Variants in CEP135 observed in about 807,000 individuals in gnomAD.
CEP135 encodes centrosomal protein of 135 kDa.
CEP135 carries 142 observed loss-of-function variants against 157.3 expected under a neutral mutation model. The ratio of observed to expected loss-of-function variants is 0.90; its 90% CI spans 0.79 to 1.04. CEP135 has a LOEUF of 1.04. Ranked by LOEUF, CEP135 falls within the 50% of genes least tolerant of loss-of-function variation. The pLI is 0.00. For synonymous variants in CEP135, 396 were observed against 439.8 expected (o/e 0.90, Z 1.25); for missense variants, 1,317 against 1,309.2 (o/e 1.01, Z -0.09).
At chr4:55,969,753 A>G (rs990690391) in intron 9 of CEP135, among the ~76,000 whole-genome samples, 1 of 152,122 alleles carries the variant, frequency 6.6e-6, no homozygotes. Flanking sequence ...TCTTTTAACT[A>G]CTTTATGATT....
At chr4:55,963,644 G>A (rs1728752521) in intron 6 of CEP135, among the ~76,000 whole-genome samples, 1 of 152,176 alleles carries the variant, frequency 6.6e-6, no homozygotes, top group Non-Finnish European at 1.5e-5. Flanking sequence ...TACTCAGGAG[G>A]CTGAGGCAGG....
Position 55,980,204 on chromosome 4 carries a change from T to C in CEP135, c.1535T>C (p.Leu512Pro). ...GAAAGAGATGAACTTCAGCGTATGC[T>C]AGAAAGATTTGAAAAATATATGGAA... ...TRERDELQRM[L>P]ERFEKYMEDI... Residue 512 changes from leucine to proline, a missense_variant, in exon 12 of 26, where the codon CTA (leucine) becomes CCA (proline). Transcript: ENST00000257287. 6.2e-7 allele frequency: 1 copy of C among 1,608,170 alleles called. No homozygotes were observed. Among genetic ancestry groups the C allele is most frequent in the Non-Finnish European group, 8.5e-7 (1 of 1,175,262 alleles).
intron 6 of CEP135, among the ~76,000 whole-genome samples, chr4:55,962,063 G>A (rs1019228852): frequency 1.3e-4 from 19 of 151,938 alleles, no homozygotes; most frequent in South Asian, 2.1e-4. Flanking sequence ...CTGTGAAGAC[G>A]TACTTCTATT....
chr4:55,964,821 G>A (rs1728792776), intron 7 of CEP135: 1 of 150,880 alleles, frequency 6.6e-6, no homozygotes, highest in Non-Finnish European at 1.5e-5. Flanking sequence ...ATTTTTATGA[G>A]TATATATTTA....
At chr4:56,030,155 G>A (rs560142115) in intron 25 of CEP135, among the ~76,000 whole-genome samples, 111 of 152,238 alleles carry the variant, frequency 7.3e-4, no homozygotes, top group African/African-American at 2.6e-3. Flanking sequence ...CCCACTGAAA[G>A]GTATTCAGGG....
At chr4:55,978,362 C>T (rs1729293506) in intron 11 of CEP135, among the ~76,000 whole-genome samples, 2 of 152,116 alleles carry the variant, frequency 1.3e-5, no homozygotes, top group African/African-American at 4.8e-5. Flanking sequence ...GAAGAAAGTA[C>T]AGAAAATATT....
chr4:55,989,816 G>T (rs569661773), intron 14 of CEP135, among the ~76,000 whole-genome samples: 4 of 152,186 alleles, frequency 2.6e-5, no homozygotes, highest in African/African-American at 9.6e-5. Context: ...GCAAATATGT[G>T]TAGCTCCTAG....
At chr4:56,011,191 C>G (rs1055371933) in intron 19 of CEP135, among the ~76,000 whole-genome samples, 1 of 152,120 alleles carries the variant, frequency 6.6e-6, no homozygotes, top group Admixed American at 6.6e-5. Context: ...GCTGTGATCA[C>G]GCCATTGCAC....
chr4:55,962,408 C>A (rs1406315452), intron 6 of CEP135, among the ~76,000 whole-genome samples: 1 of 152,012 alleles, frequency 6.6e-6, no homozygotes, highest in Admixed American at 6.6e-5. Context: ...CCAAAAAACT[C>A]TTTTAACTAC....
chr4:55,991,158 C>T lies in CEP135; in HGVS notation c.1858-776C>T, dbSNP rs781519896. On this transcript the variant is annotated intron_variant, in intron 14 of 25. Coordinates refer to ENST00000257287, the MANE Select transcript of CEP135 (RefSeq NM_025009.5). Reference sequence around the variant, plus strand: ...GCCTAGCTAATTTTTTGTATTTTTTCGTAGGGATGGGGTTTCACCGTGCTA... The same window carrying T: ...GCCTAGCTAATTTTTTGTATTTTTTTGTAGGGATGGGGTTTCACCGTGCTA... Among the ~76,000 whole-genome samples, 14 of 151,894 alleles carry T rather than the reference C, an allele frequency of 9.2e-5. 1 individual carries two copies. The highest frequency in any genetic ancestry group is 1.2e-4 in the African/African-American group (5 of 41,462).
chr4:56,011,673 C>T, intron 20 of CEP135, 127 bp from the exon 21 acceptor site: 1 of 964,702 alleles, frequency 1.0e-6, no homozygotes. Flanking sequence ...TAGTGTGGTA[C>T]CTGCACAGAT....
chr4:55,961,453 G>A lies in CEP135; in HGVS notation c.699+1687G>A, dbSNP rs1283725664. Among the ~76,000 whole-genome samples, 3 of 151,890 alleles carry A rather than the reference G, an allele frequency of 2.0e-5. No homozygotes were observed. The East Asian group carries it at 5.8e-4, about 29-fold the overall frequency. On this transcript the variant is annotated intron_variant, in intron 6 of 25. Coordinates refer to ENST00000257287, the MANE Select transcript of CEP135 (RefSeq NM_025009.5). ...TTCCAGATTTTGCTGTTTTTAAGCT[G>A]TTTTCCCAATTTATATAATACCCAT...
chr4:55,964,696 G>A (rs1397120138), intron 7 of CEP135, among the ~76,000 whole-genome samples: 1 of 152,044 alleles, frequency 6.6e-6, no homozygotes, highest in Non-Finnish European at 1.5e-5. Flanking sequence ...TTAAGAAAAT[G>A]TATATATGGA....
chr4:56,008,472 A>C (rs2109728331), intron 18 of CEP135, 90 bp downstream of exon 18: 2 of 1,034,012 alleles, frequency 1.9e-6, no homozygotes, highest in Middle Eastern at 2.1e-4. Context: ...GCAATAGAAG[A>C]ATTTCCCTTT....
chr4:55,965,707 A>G lies in CEP135; in HGVS notation c.892A>G (p.Lys298Glu). ...GCGTATACGAGAGCTTATGGAAACCAAGGAAACAGTGACATCTGAAGTCGT... is the reference window on the plus strand; with the variant it reads ...GCGTATACGAGAGCTTATGGAAACCGAGGAAACAGTGACATCTGAAGTCGT... ...EKRIRELMET[K>E]ETVTSEVVNL... Residue 298 changes from lysine to glutamate, a missense_variant, in exon 8 of 26, where the codon AAG becomes GAG. Transcript: ENST00000257287. 6.2e-7 allele frequency: 1 copy of G among 1,613,974 alleles called. No individual in the cohort carries two copies. The highest frequency in any genetic ancestry group is 8.5e-7 in the Non-Finnish European group (1 of 1,179,934).
intron 14 of CEP135, among the ~76,000 whole-genome samples, chr4:55,988,890 T>C (rs1729692249): frequency 6.8e-6 from 1 of 147,090 alleles, no homozygotes; most frequent in Non-Finnish European, 1.5e-5. Flanking sequence ...GAACCTAGGA[T>C]GCCGAGCTTG....
chr4:56,025,819 T>C (rs944811010), intron 25 of CEP135, among the ~76,000 whole-genome samples: 5 of 151,098 alleles, frequency 3.3e-5, no homozygotes, highest in African/African-American at 1.2e-4. Context: ...ATGAAATATA[T>C]ACAGAAAGGT....
chr4:55,998,177 C>A (rs988554023), intron 15 of CEP135, among the ~76,000 whole-genome samples: 1 of 152,144 alleles, frequency 6.6e-6, no homozygotes, highest in Non-Finnish European at 1.5e-5. Context: ...CCCTCAGTAT[C>A]TTTTTCCATG....
chr4:55,959,429 A>G (rs1043918384), intron 5 of CEP135, among the ~76,000 whole-genome samples: 45 of 152,180 alleles, frequency 3.0e-4, no homozygotes, highest in African/African-American at 1.1e-3. Flanking sequence ...TCAAAATGCA[A>G]TAGTGAGGTG....
Sources: allele counts gnomAD v4.1 joint callset (sites outside exome capture counted in the v4.1 genomes callset), GRCh38; gene constraint gnomAD v4.1.1; transcripts MANE v1.5; gene names NCBI Gene and HGNC (gene_info 2026-07-23, HGNC 2026-07-21).